The following MACROD2 variants were observed in gnomAD, a reference collection of about 807,000 sequenced individuals.
The protein encoded by MACROD2 is ADP-ribose glycohydrolase MACROD2.
Under a neutral mutation model 70.4 loss-of-function variants are expected in MACROD2, and 36 were observed. That is an observed-to-expected ratio of 0.51 (90% confidence interval 0.39 to 0.68). MACROD2 has a LOEUF of 0.68. Among genes scored for constraint, MACROD2 ranks in the 30% least tolerant of loss-of-function variants. The pLI is 0.00. For synonymous variants in MACROD2, 172 were observed against 178.8 expected (o/e 0.96, Z 0.30); for missense variants, 496 against 538.4 (o/e 0.92, Z 0.78).
At chr20:15,026,698 A>G (rs2075234582) in intron 5 of MACROD2, among the ~76,000 whole-genome samples, 1 of 151,942 alleles carries the variant, frequency 6.6e-6, no homozygotes. Flanking sequence ...CACCCAGGGA[A>G]CTCTGCGGAC....
rs377387390 is a variant in MACROD2 at position 15,008,900 on chromosome 20, T to C, written c.419-221040T>C. 4.9e-4 allele frequency among the ~76,000 whole-genome samples: 74 copies of C among 152,300 alleles called. No homozygotes were observed. In the East Asian group the frequency reaches 0.01, roughly 21 times the overall value. On this transcript the variant is annotated intron_variant, in intron 5 of 17. Coordinates refer to ENST00000684519, the MANE Select transcript of MACROD2 (RefSeq NM_001351661.2). ...TTGGATGGATTTTTTTCCTTTTCTC[T>C]TTCCTTTTCTGTGGGTTTAGTGGAG...
chr20:15,917,123 A>G (rs6080021), intron 10 of MACROD2, among the ~76,000 whole-genome samples: 120,499 of 152,134 alleles, frequency 0.79, 49,950 homozygotes, highest in Non-Finnish European at 0.93. Flanking sequence ...GTCCTTGGAA[A>G]TATTTTAGAT....
At chr20:15,630,855 G>T (rs974437062) in intron 8 of MACROD2, among the ~76,000 whole-genome samples, 3 of 152,172 alleles carry the variant, frequency 2.0e-5, no homozygotes, top group African/African-American at 7.2e-5. Flanking sequence ...CTCCAACTGA[G>T]TTGGAAGATC....
intron 5 of MACROD2, among the ~76,000 whole-genome samples, chr20:15,046,402 A>T (rs2075395199): frequency 6.6e-6 from 1 of 152,160 alleles, no homozygotes; most frequent in South Asian, 2.1e-4. Context: ...ATTACCGCAG[A>T]TTTACCATGA....
At chr20:15,632,411 C>T (rs200766) in intron 8 of MACROD2, among the ~76,000 whole-genome samples, 28,204 of 151,956 alleles carry the variant, frequency 0.19, 3,042 homozygotes, top group African/African-American at 0.3. Context: ...AGTTTAGCGG[C>T]GAGGGGGGCC....
intron 5 of MACROD2, among the ~76,000 whole-genome samples, chr20:14,830,868 T>C (rs944452645): frequency 2.0e-5 from 3 of 152,200 alleles, no homozygotes; most frequent in African/African-American, 7.2e-5. Context: ...AGCCTGTCTG[T>C]GCTTTGCTGG....
intron 5 of MACROD2, among the ~76,000 whole-genome samples, chr20:15,090,679 T>C (rs1028927900): frequency 4.6e-5 from 7 of 152,000 alleles, no homozygotes; most frequent in African/African-American, 1.7e-4. Context: ...CTGAGTACCC[T>C]TGGTAAGTTA....
chr20:15,924,990 T>C (rs1004541950), intron 10 of MACROD2, among the ~76,000 whole-genome samples: 1 of 152,218 alleles, frequency 6.6e-6, no homozygotes, highest in African/African-American at 2.4e-5. Context: ...GTTGCTGTTT[T>C]ATCAGAGAGA....
At position 14,860,414 on chromosome 20, in the gene MACROD2, G is replaced by A. The variant is rs1370588320; in HGVS notation, c.418+175455G>A. On this transcript the variant is annotated intron_variant, in intron 5 of 17. Coordinates refer to ENST00000684519, the MANE Select transcript of MACROD2 (RefSeq NM_001351661.2). The stretch of plus-strand genomic sequence containing the variant: ...CTTTCCTCCTCCCCTTTGTGAAGCT[G>A]GGTGGGGGTGGGAGGATTAGCAAGA... Among the ~76,000 whole-genome samples, 6 of 152,204 alleles carry A rather than the reference G, an allele frequency of 3.9e-5. No individual in the cohort carries two copies. The South Asian group carries it at 6.2e-4, about 16-fold the overall frequency.
At chr20:14,147,393 G>C (rs1239186377) in intron 3 of MACROD2, among the ~76,000 whole-genome samples, 4 of 152,162 alleles carry the variant, frequency 2.6e-5, no homozygotes, top group Admixed American at 2.6e-4. Context: ...AACTCATTGA[G>C]TTATGAAAAT....
chr20:14,692,508 C>T (rs924598945), intron 5 of MACROD2, among the ~76,000 whole-genome samples: 12 of 152,196 alleles, frequency 7.9e-5, no homozygotes, highest in Admixed American at 7.2e-4. Context: ...ATATCCTTAG[C>T]ATCTGACATA....
At chr20:15,984,324 T>C (rs1450672494) in intron 13 of MACROD2, among the ~76,000 whole-genome samples, 1 of 152,128 alleles carries the variant, frequency 6.6e-6, no homozygotes, top group African/African-American at 2.4e-5. Context: ...TAACTTTTAA[T>C]GTAGGTAAAA....
chr20:15,061,507 C>A (rs1465277627), intron 5 of MACROD2, among the ~76,000 whole-genome samples: 1 of 152,134 alleles, frequency 6.6e-6, no homozygotes, highest in African/African-American at 2.4e-5. Context: ...GCTCTCCCTT[C>A]CCTGTCTCAC....
chr20:14,229,749 A>G lies in MACROD2; in HGVS notation c.271+144021A>G, dbSNP rs550839058. 1.5e-3 allele frequency among the ~76,000 whole-genome samples: 232 copies of G among 152,326 alleles called. 1 individual carries two copies. Among genetic ancestry groups the G allele is most frequent in the Non-Finnish European group, 2.6e-3 (180 of 68,028 alleles). On this transcript the variant is annotated intron_variant, in intron 3 of 17. Transcript: ENST00000684519. ...AGACTGTCCACACAAAAACTTTTACATGAATATTTTTAGCTACTTTATCAT... is the reference window on the plus strand; with the variant it reads ...AGACTGTCCACACAAAAACTTTTACGTGAATATTTTTAGCTACTTTATCAT...
At chr20:15,557,095 A>G (rs1195695160) in intron 8 of MACROD2, among the ~76,000 whole-genome samples, 2 of 152,202 alleles carry the variant, frequency 1.3e-5, no homozygotes, top group South Asian at 2.1e-4. Context: ...TAAAATTCAT[A>G]TGCAAATAAT....
chr20:14,908,348 AT>A (rs1415060033), intron 5 of MACROD2, among the ~76,000 whole-genome samples: 3 of 151,256 alleles, frequency 2.0e-5, no homozygotes, highest in African/African-American at 7.3e-5. Context: ...CTCAAAAAAA[AT>A]AAATAAATAA....
At chr20:15,132,283 A>G (rs190087473) in intron 5 of MACROD2, among the ~76,000 whole-genome samples, 1 of 152,144 alleles carries the variant, frequency 6.6e-6, no homozygotes, top group Admixed American at 6.5e-5. Flanking sequence ...GTGGTAAGAG[A>G]TGTTAATTCA....
intron 5 of MACROD2, among the ~76,000 whole-genome samples, chr20:15,223,308 CACAAAGGCTG>C (rs1364162102): frequency 7.9e-5 from 12 of 152,308 alleles, no homozygotes; most frequent in African/African-American, 2.9e-4. Flanking sequence ...GGCTTCAGTG[CACAAAGGCTG>C]CTTTTCCTTT....
chr20:14,089,371 T>A (rs1410404833), intron 3 of MACROD2, among the ~76,000 whole-genome samples: 1 of 152,170 alleles, frequency 6.6e-6, no homozygotes, highest in Non-Finnish European at 1.5e-5. Flanking sequence ...TAGAGCTGCC[T>A]CTACTGAGAG....
Sources: gnomAD v4.1 joint callset for allele counts (sites outside exome capture counted in the v4.1 genomes callset) on GRCh38, gnomAD v4.1.1 for gene constraint, MANE v1.5 for transcripts, NCBI Gene and HGNC (gene_info 2026-07-23, HGNC 2026-07-21) for gene names.